The following FBXL13 variants were observed in gnomAD, a reference collection of about 807,000 sequenced individuals.
FBXL13 encodes F-box and leucine rich repeat protein 13, also known as F-box and leucine-rich repeat protein 13.
FBXL13 carries 67 observed loss-of-function variants against 83.6 expected under a neutral mutation model. That is an observed-to-expected ratio of 0.80 (90% CI 0.66 to 0.98). The LOEUF (loss-of-function observed/expected upper bound fraction) is 0.98, where lower values mean the gene tolerates loss of function less well. FBXL13 is among the 50% of genes least tolerant of loss of function. The probability of loss-of-function intolerance (pLI) is 0.00; values close to 1 mark genes in which losing one functional copy is unlikely to be tolerated. For synonymous variants in FBXL13, 272 were observed against 299.5 expected, an observed-to-expected ratio of 0.91 and a Z score of 0.95; for missense variants, 822 against 866.5, an observed-to-expected ratio of 0.95 and a Z score of 0.64.
At chr7:103,000,259 T>G (rs1276943082) in intron 6 of FBXL13, among the ~76,000 whole-genome samples, 1 of 152,116 alleles carries the variant, frequency 6.6e-6, no homozygotes, top group Non-Finnish European at 1.5e-5. Flanking sequence ...TGTAATCCAA[T>G]CCCAACACTT....
chr7:102,976,158 T>C (rs749866446), intron 6 of FBXL13: 14 of 766,308 alleles, frequency 1.8e-5, no homozygotes, highest in Admixed American at 5.1e-5. Context: ...TGAAGACTGA[T>C]AGTGCCTTGG....
At chr7:102,990,943 A>G (rs1829497873) in intron 6 of FBXL13, among the ~76,000 whole-genome samples, 1 of 152,244 alleles carries the variant, frequency 6.6e-6, no homozygotes, top group Non-Finnish European at 1.5e-5. Context: ...TAAAGCCAAC[A>G]GAGTTCAGGA....
intron 6 of FBXL13, among the ~76,000 whole-genome samples, chr7:102,985,980 G>A (rs1828895182): frequency 6.6e-6 from 1 of 151,514 alleles, no homozygotes; most frequent in African/African-American, 2.4e-5. Flanking sequence ...GAGATACTCA[G>A]TAATCCACAC....
intron 19 of FBXL13, chr7:102,814,228 T>C (rs187893896): frequency 2.4e-4 from 37 of 152,298 alleles, no homozygotes; most frequent in African/African-American, 8.2e-4. Flanking sequence ...ACGAGATTAG[T>C]ACTAAAGAGG....
At chr7:103,045,660 T>C (rs1402030986) in intron 2 of FBXL13, among the ~76,000 whole-genome samples, 1 of 152,232 alleles carries the variant, frequency 6.6e-6, no homozygotes, top group Admixed American at 6.5e-5. Flanking sequence ...AGTCTTAGTT[T>C]GATTATGTCA....
intron 11 of FBXL13, among the ~76,000 whole-genome samples, chr7:102,912,503 T>G (rs1213345624): frequency 3.9e-5 from 6 of 152,212 alleles, no homozygotes; most frequent in Admixed American, 1.3e-4. Flanking sequence ...CTCTGCAACT[T>G]GATCCAATTT....
chr7:103,015,821 C>T lies in FBXL13; in HGVS notation c.495+9242G>A, dbSNP rs561578660. Reference sequence around the variant, plus strand: ...TCAAAAAAAAAAAAAAAGCAATGTACAAAAATCAGTAGTATTCCTATACAC... The same window carrying T: ...TCAAAAAAAAAAAAAAAGCAATGTATAAAAATCAGTAGTATTCCTATACAC... On this transcript the variant is annotated intron_variant, in intron 6 of 19. Transcript: ENST00000313221. Among the ~76,000 whole-genome samples, 110 of 133,652 alleles carry T rather than the reference C, an allele frequency of 8.2e-4. 2 individuals carry two copies. In the South Asian group the frequency reaches 0.025, roughly 30 times the overall value. 87.7% of individuals were successfully genotyped at this position (133,652 alleles called of 152,430 possible).
chr7:102,956,003 A>C (rs1824205745), intron 8 of FBXL13, among the ~76,000 whole-genome samples: 1 of 152,184 alleles, frequency 6.6e-6, no homozygotes, highest in Admixed American at 6.5e-5. Flanking sequence ...AATCAACAGA[A>C]AAAGAGGGAA....
chr7:102,963,782 A>G, intron 7 of FBXL13, 117 bp from the exon 9 acceptor site: 1 of 955,976 alleles, frequency 1.0e-6, no homozygotes. Flanking sequence ...GTACAGCAAA[A>G]GAAACTATCA....
intron 18 of FBXL13, among the ~76,000 whole-genome samples, chr7:102,825,216 T>G (rs1395320761): frequency 6.6e-6 from 1 of 152,170 alleles, no homozygotes; most frequent in African/African-American, 2.4e-5. Context: ...AAACACATAT[T>G]GAAACTTAAC....
intron 7 of FBXL13, among the ~76,000 whole-genome samples, chr7:102,966,733 T>A (rs1826004355): frequency 6.6e-6 from 1 of 152,232 alleles, no homozygotes; most frequent in Admixed American, 6.5e-5. Flanking sequence ...TTTGTGAGTG[T>A]TCACATGTGG....
intron 6 of FBXL13, among the ~76,000 whole-genome samples, chr7:102,970,874 T>C (rs965688889): frequency 6.6e-6 from 1 of 151,980 alleles, no homozygotes; most frequent in Non-Finnish European, 1.5e-5. Flanking sequence ...AATATGTACC[T>C]GAAGAAATTA....
intron 4 of FBXL13, among the ~76,000 whole-genome samples, chr7:103,028,068 T>A (rs989014580): frequency 6.6e-6 from 1 of 152,146 alleles, no homozygotes; most frequent in African/African-American, 2.4e-5. Flanking sequence ...CAAGTTGTTA[T>A]CAGGAGAGTT....
intron 16 of FBXL13, among the ~76,000 whole-genome samples, chr7:102,872,888 T>C (rs745333550): frequency 6.6e-6 from 1 of 152,250 alleles, no homozygotes; most frequent in South Asian, 2.1e-4. Context: ...TTCCCTAATA[T>C]GTACTTGGTA....
At chr7:102,822,259 C>G in intron 18 of FBXL13, 56 bp from the exon 20 acceptor site, 1 of 1,547,862 alleles carries the variant, frequency 6.5e-7, no homozygotes. Context: ...CAGGGAAGAA[C>G]AGTGCCTTAG....
At position 102,902,132 on chromosome 7, in the gene FBXL13, G is replaced by A. The variant is rs145509143; in HGVS notation, c.1008+10954C>T. On this transcript the variant is annotated intron_variant, in intron 11 of 19. Coordinates refer to ENST00000313221, the Ensembl canonical transcript of FBXL13. ...ACTTTTGGAGAAAAGCCATTTTAAC[G>A]GGGGTAAGATGATATCTCATTGTAG... Among the ~76,000 whole-genome samples the A allele has an allele frequency of 3.8e-3, 574 of 152,048 alleles. 5 individuals carry two copies. The highest frequency in any genetic ancestry group is 0.014 in the African/African-American group (564 of 41,516).
At chr7:103,017,608 C>T (rs1792523057) in intron 6 of FBXL13, among the ~76,000 whole-genome samples, 1 of 152,168 alleles carries the variant, frequency 6.6e-6, no homozygotes, top group South Asian at 2.1e-4. Context: ...ACTAGAATAA[C>T]TAGTGTAGAG....
chr7:102,925,079 C>T (rs545731671), intron 10 of FBXL13, among the ~76,000 whole-genome samples: 1 of 152,330 alleles, frequency 6.6e-6, no homozygotes, highest in South Asian at 2.1e-4. Context: ...ATCATATACC[C>T]TTCCTAACTG....
chr7:102,837,287 C>G (rs1014215466), intron 17 of FBXL13, among the ~76,000 whole-genome samples: 1 of 152,162 alleles, frequency 6.6e-6, no homozygotes, highest in Non-Finnish European at 1.5e-5. Context: ...ACCTTCCCTG[C>G]CAGGGAAACC....
Sources: allele counts gnomAD v4.1 joint callset (sites outside exome capture counted in the v4.1 genomes callset), GRCh38; gene constraint gnomAD v4.1.1; transcripts MANE v1.5; gene names NCBI Gene and HGNC (gene_info 2026-07-23, HGNC 2026-07-21).